UGT1A3: variants seen among roughly 807,000 people sequenced by gnomAD.
The protein encoded by UGT1A3 is UDP-glucuronosyltransferase 1A3.
Under a neutral mutation model 41.0 loss-of-function variants are expected in UGT1A3, and 31 were observed. The ratio of observed to expected loss-of-function variants is 0.76; its 90% CI spans 0.57 to 1.02. The LOEUF (loss-of-function observed/expected upper bound fraction) is 1.02. Ranked by LOEUF, UGT1A3 falls within the 50% of genes least tolerant of loss-of-function variation. The pLI, the probability that UGT1A3 is intolerant of heterozygous loss-of-function variation, is 0.00. For missense variants in UGT1A3, 737 were observed against 671.0 expected, an observed-to-expected ratio of 1.10 and a Z score of -1.09; for synonymous variants, 262 against 257.6, an observed-to-expected ratio of 1.02 and a Z score of -0.17.
intron 3 of UGT1A3, 49 bp from the exon 4 acceptor site, chr2:233,768,166 AGCTGT>A: frequency 6.2e-7 from 1 of 1,613,684 alleles, no homozygotes; most frequent in South Asian, 1.1e-5. Flanking sequence ...AGATGTGTCC[AGCTGT>A]GAAACTCAGA....
At position 233,729,516 on chromosome 2, in the gene UGT1A3, G is replaced by A; in HGVS notation, c.390G>A (p.Glu130=). The part of the protein sequence containing the change: ...MSLVYHRSCV[E]LLHNEALIRH... ...TGGTCTATCATAGGTCTTGTGTGGA[G>A]CTACTACATAATGAGGCCCTGATCA... The change falls in exon 1 of 5, where the codon GAG becomes GAA. Residue 130 remains glutamate (E), a synonymous_variant. Coordinates refer to ENST00000482026, the MANE Select transcript of UGT1A3 (RefSeq NM_019093.4). 6.2e-7 allele frequency: 1 copy of A among 1,614,186 alleles called. No individual in the cohort carries two copies. Among genetic ancestry groups the A allele is most frequent in the Non-Finnish European group, 8.5e-7 (1 of 1,180,038 alleles).
At chr2:233,748,084 G>T in intron 1 of UGT1A3, 7 of 1,613,070 alleles carry the variant, frequency 4.3e-6, no homozygotes, top group Non-Finnish European at 5.9e-6. Flanking sequence ...TCTCAGGTCG[G>T]TGTTCGTGCC....
In UGT1A3 at chr2:233,729,470, C is replaced by T. The variant is rs746048603; in HGVS notation, c.344C>T (p.Ala115Val). The change falls in exon 1 of 5, where the codon GCA (alanine) becomes GTA (valine). Residue 115 changes from alanine to valine, a missense_variant. Coordinates refer to ENST00000482026, the MANE Select transcript of UGT1A3 (RefSeq NM_019093.4). ...CTGAAGAAATTTTTCAGAAGTATGG[C>T]AATGTTGAACAATATGTCTTTGGTC... Reference protein sequence around the residue: ...HFLKKFFRSMAMLNNMSLVYH... With the variant: ...HFLKKFFRSMVMLNNMSLVYH... The T allele has an allele frequency of 1.9e-6, 3 of 1,614,122 alleles. No homozygotes were observed. Among genetic ancestry groups the T allele is most frequent in the Admixed American group, 1.7e-5 (1 of 60,022 alleles).
intron 1 of UGT1A3, among the ~76,000 whole-genome samples, chr2:233,766,453 G>C (rs1699157656): frequency 6.6e-6 from 1 of 152,214 alleles, no homozygotes; most frequent in Non-Finnish European, 1.5e-5. Context: ...TGCCTGCTAG[G>C]GTCTTGGGGT....
chr2:233,743,460 A>AC, intron 1 of UGT1A3: 1 of 1,365,926 alleles, frequency 7.3e-7, no homozygotes. Context: ...AAGAAAAAAC[A>AC]CCCCCAAAAG....
intron 1 of UGT1A3, among the ~76,000 whole-genome samples, chr2:233,763,422 G>A (rs983086025): frequency 2.0e-4 from 31 of 152,076 alleles, no homozygotes; most frequent in Non-Finnish European, 4.1e-4. Context: ...ATCCAGTCAG[G>A]CAGTTGCTTT....
In UGT1A3 at chr2:233,733,917, G is replaced by T. The variant is rs753783737; in HGVS notation, c.867+3924G>T. On this transcript the variant is annotated intron_variant, in intron 1 of 4. Coordinates refer to ENST00000482026, the MANE Select transcript of UGT1A3 (RefSeq NM_019093.4). ...GTTTGTACCTCTCTGGTAGAATTCG[G>T]CTGTGAGGAAGGGGAACATCACATA... Among the ~76,000 whole-genome samples the T allele has an allele frequency of 9.2e-5, 14 of 152,092 alleles. No homozygotes were observed. The East Asian group carries it at 9.7e-4, about 11-fold the overall frequency.
chr2:233,768,990 A>C (rs1198274565), intron 4 of UGT1A3, among the ~76,000 whole-genome samples: 1 of 152,146 alleles, frequency 6.6e-6, no homozygotes, highest in Admixed American at 6.5e-5. Context: ...TATTTCCCCC[A>C]TTAGATTTAA....
chr2:233,761,186 T>C, intron 1 of UGT1A3: 1 of 1,614,212 alleles, frequency 6.2e-7, no homozygotes. Context: ...CATGCGTATA[T>C]TCTTTCAGAT....
intron 4 of UGT1A3, chr2:233,770,928 C>T (rs1253258024): frequency 6.6e-6 from 1 of 152,180 alleles, no homozygotes; most frequent in African/African-American, 2.4e-5. Context: ...GCTGACATCA[C>T]TTGGCTGCCG....
chr2:233,772,436 T>G lies in UGT1A3; in HGVS notation c.1482T>G (p.Gly494=). 6.2e-7 allele frequency: 1 copy of G among 1,614,180 alleles called. No individual in the cohort carries two copies. Among genetic ancestry groups the G allele is most frequent in the Non-Finnish European group, 8.5e-7 (1 of 1,180,036 alleles). Residue 494 remains glycine, a synonymous_variant, in exon 5 of 5, where the codon GGT becomes GGG. Coordinates refer to ENST00000482026, the MANE Select transcript of UGT1A3 (RefSeq NM_019093.4). ...AGTACCATTCCTTGGACGTGATTGGTTTCCTCTTGGCCGTCGTGCTGACAG... is the reference window on the plus strand; with the variant it reads ...AGTACCATTCCTTGGACGTGATTGGGTTCCTCTTGGCCGTCGTGCTGACAG... ...WYQYHSLDVI[G]FLLAVVLTVA...
At chr2:233,732,867 G>A (rs368077438) in intron 1 of UGT1A3, among the ~76,000 whole-genome samples, 9 of 150,836 alleles carry the variant, frequency 6.0e-5, no homozygotes, top group South Asian at 4.2e-4. Context: ...GTAGCTTGAT[G>A]GGTTTGGCAT....
chr2:233,761,598 A>G (rs1310966456), intron 1 of UGT1A3, among the ~76,000 whole-genome samples: 2 of 152,232 alleles, frequency 1.3e-5, no homozygotes, highest in African/African-American at 4.8e-5. Flanking sequence ...TTAAAGCTCC[A>G]GTTTCTAAAT....
chr2:233,736,864 A>G lies in UGT1A3; in HGVS notation c.867+6871A>G, dbSNP rs948375151. On this transcript the variant is annotated intron_variant, in intron 1 of 4. Transcript: ENST00000482026. ...ACCAGTGGAGGCTGCAGAACAGCAA[A>G]TATTGCAGAACAGCAAATATTGCTG... Among the ~76,000 whole-genome samples, 4 of 152,194 alleles carry G rather than the reference A, an allele frequency of 2.6e-5. No homozygotes were observed. The East Asian group carries it at 7.7e-4, about 29-fold the overall frequency.
At chr2:233,765,664 CA>C (rs970582402) in intron 1 of UGT1A3, among the ~76,000 whole-genome samples, 2 of 151,540 alleles carry the variant, frequency 1.3e-5, no homozygotes, top group African/African-American at 4.9e-5. Context: ...AGCAAACCAC[CA>C]TGGCATATGT....
At position 233,743,563 on chromosome 2, in the gene UGT1A3, C is replaced by T. The variant is rs546286371; in HGVS notation, c.867+13570C>T. 46 of 1,367,298 alleles carry T rather than the reference C, an allele frequency of 3.4e-5. 1 individual carries two copies. Among genetic ancestry groups the T allele is most frequent in the Admixed American group, 5.7e-5 (3 of 52,582 alleles). 84.7% of individuals were successfully genotyped at this position (1,367,298 alleles called of 1,614,324 possible). A position where few individuals can be genotyped will look rare whatever the true frequency, so the allele number is the denominator to read the frequency against. On this transcript the variant is annotated intron_variant, in intron 1 of 4. Transcript: ENST00000482026. The stretch of plus-strand genomic sequence containing the variant: ...CTGACCCCCCCAAAATATTCTCCAG[C>T]GGGTTTCCCAAGAGGTCAAAGGAGA...
chr2:233,750,234 G>T (rs928737676), intron 1 of UGT1A3, among the ~76,000 whole-genome samples: 6 of 151,846 alleles, frequency 4.0e-5, no homozygotes, highest in African/African-American at 1.5e-4. Flanking sequence ...GGAACTTATT[G>T]GGAACTGGAA....
chr2:233,765,338 A>G lies in UGT1A3; in HGVS notation c.868-1696A>G, dbSNP rs1698804627. On this transcript the variant is annotated intron_variant, in intron 1 of 4. Transcript: ENST00000482026. ...TTATTGCAGCACTATTCACAATAAC[A>G]AAGTCATGGAACCAACCCAGATGCC... Among the ~76,000 whole-genome samples the G allele has an allele frequency of 3.9e-5, 6 of 152,242 alleles. No individual in the cohort carries two copies. In the South Asian group the frequency reaches 1.0e-3, roughly 26 times the overall value.
At chr2:233,760,234 A>ATG in intron 1 of UGT1A3, 1 of 1,136,914 alleles carries the variant, frequency 8.8e-7, no homozygotes, top group South Asian at 1.5e-5. Context: ...GGTTTTTGCC[A>ATG]TATATATATA....
Sources: allele counts gnomAD v4.1 joint callset (sites outside exome capture counted in the v4.1 genomes callset), GRCh38; gene constraint gnomAD v4.1.1; transcripts MANE v1.5; gene names NCBI Gene and HGNC (gene_info 2026-07-23, HGNC 2026-07-21).